Variants in FHOD3 observed in about 807,000 individuals in gnomAD.
FHOD3 encodes FH1/FH2 domain-containing protein 3.
In FHOD3, 90 loss-of-function variants were observed where a neutral mutation model predicts 173.0. That is an observed-to-expected ratio of 0.52 (90% confidence interval 0.44 to 0.62). FHOD3 has a LOEUF of 0.62. FHOD3 is among the 20% of genes least tolerant of loss of function. FHOD3 has a pLI of 0.00. For synonymous variants in FHOD3, 828 were observed against 823.0 expected (o/e 1.01, Z -0.10); for missense variants, 1,945 against 2,034.7 (o/e 0.96, Z 0.85).
At chr18:36,751,141 A>G (rs2042386929) in intron 24 of FHOD3, among the ~76,000 whole-genome samples, 1 of 152,180 alleles carries the variant, frequency 6.6e-6, no homozygotes, top group Non-Finnish European at 1.5e-5. Context: ...TGTTTGTGTC[A>G]TCTCTGATTT....
At chr18:36,357,959 TG>T (rs1453885485) in intron 2 of FHOD3, among the ~76,000 whole-genome samples, 12 of 151,794 alleles carry the variant, frequency 7.9e-5, no homozygotes, top group Non-Finnish European at 1.5e-4. Flanking sequence ...ATAAAGGGTG[TG>T]GGAGAAGAAT....
intron 10 of FHOD3, among the ~76,000 whole-genome samples, chr18:36,634,905 C>T (rs1015769078): frequency 6.6e-6 from 1 of 152,308 alleles, no homozygotes; most frequent in Middle Eastern, 3.4e-3. Context: ...TAGAGGATTT[C>T]ACAACAACCA....
chr18:36,479,526 C>G (rs1165975316), intron 3 of FHOD3, among the ~76,000 whole-genome samples: 1 of 152,094 alleles, frequency 6.6e-6, no homozygotes, highest in Non-Finnish European at 1.5e-5. Context: ...AATTGCCTTG[C>G]ATCTGTCCTA....
chr18:36,363,742 G>T (rs1157672149), intron 2 of FHOD3, among the ~76,000 whole-genome samples: 1 of 152,144 alleles, frequency 6.6e-6, no homozygotes, highest in Non-Finnish European at 1.5e-5. Context: ...AGAACGTTAT[G>T]TATTTGTGAG....
chr18:36,560,815 A>G (rs2058055090), intron 5 of FHOD3, among the ~76,000 whole-genome samples: 2 of 146,094 alleles, frequency 1.4e-5, no homozygotes, highest in Non-Finnish European at 3.0e-5. Context: ...GTGTGTGTGT[A>G]AAGAGCAGCT....
rs527852721 is a variant in FHOD3 at position 36,607,926 on chromosome 18, A to G, written c.814-4026A>G. Among the ~76,000 whole-genome samples the G allele has an allele frequency of 3.9e-5, 6 of 152,258 alleles. No homozygotes were observed. The South Asian group carries it at 1.0e-3, about 26-fold the overall frequency. ...CTTCAGAATTGGCTTTACCATTTGT[A>G]TTTCTACCAACCACTTCAGCAATCT... is the stretch of plus-strand genomic sequence containing the variant. On this transcript the variant is annotated intron_variant, in intron 8 of 28. Transcript: ENST00000590592.
At chr18:36,397,097 T>C (rs1211079136) in intron 3 of FHOD3, among the ~76,000 whole-genome samples, 3 of 152,338 alleles carry the variant, frequency 2.0e-5, no homozygotes, top group East Asian at 1.9e-4. Flanking sequence ...TAAGAATTCA[T>C]AGAAGCTAGA....
At chr18:36,464,836 G>C (rs919028187) in intron 3 of FHOD3, among the ~76,000 whole-genome samples, 6 of 151,996 alleles carry the variant, frequency 3.9e-5, no homozygotes, top group African/African-American at 1.2e-4. Flanking sequence ...CCCACCCTCT[G>C]TCTCTCCCCC....
chr18:36,658,806 T>C (rs2036590658), intron 14 of FHOD3, among the ~76,000 whole-genome samples: 1 of 152,186 alleles, frequency 6.6e-6, no homozygotes, highest in African/African-American at 2.4e-5. Context: ...GAGTGCTGAG[T>C]TAGAGAAGAC....
At chr18:36,747,730 A>AC (rs36041009) in intron 24 of FHOD3, among the ~76,000 whole-genome samples, 1,711 of 152,332 alleles carry the variant, frequency 0.011, 22 homozygotes, top group African/African-American at 0.039. Context: ...GGGGTCTGGA[A>AC]CAGCCCATGG....
chr18:36,606,552 CT>C (rs1035855135), intron 8 of FHOD3, among the ~76,000 whole-genome samples: 19 of 152,276 alleles, frequency 1.2e-4, no homozygotes, highest in Admixed American at 5.9e-4. Context: ...ATTCTGCCCC[CT>C]GTCCCCAAAA....
chr18:36,679,729 G>A, intron 14 of FHOD3, among the ~76,000 whole-genome samples: 1 of 151,682 alleles, frequency 6.6e-6, no homozygotes, highest in East Asian at 1.9e-4. Context: ...CAATGCAGTT[G>A]CATTATGATC....
rs984103062 is a variant in FHOD3 at position 36,652,656 on chromosome 18, G to A, written c.1373G>A (p.Ser458Asn). 6.5e-7 allele frequency: 1 copy of A among 1,535,616 alleles called. No homozygotes were observed. The highest frequency in any genetic ancestry group is 2.0e-5 in the Admixed American group (1 of 50,986). ...GCCCTCCCTGCTGTCTCGAATGCCAGCTCGCAGGGAAAGCCGCTTCTGGTT... is the reference window on the plus strand; with the variant it reads ...GCCCTCCCTGCTGTCTCGAATGCCAACTCGCAGGGAAAGCCGCTTCTGGTT... ...SSALPAVSNA[S>N]SQGKPLLVGT... is the part of the protein sequence containing the mutation. Residue 458 changes from serine to asparagine, a missense_variant, in exon 12 of 29, where the codon AGC (serine) becomes AAC (asparagine). Coordinates refer to ENST00000590592, the MANE Select transcript of FHOD3 (RefSeq NM_001281740.3).
In FHOD3 at chr18:36,518,540, A is replaced by C. The variant is rs1228656739; in HGVS notation, c.511+5997A>C. Among the ~76,000 whole-genome samples the C allele has an allele frequency of 7.9e-5, 12 of 152,170 alleles. No homozygotes were observed. In the East Asian group the frequency reaches 2.3e-3, roughly 29 times the overall value. ...TACAACAGGACTATTTCCAATAAAA[A>C]ATCACTGCAGCGTAAGCAGACTGGC... On this transcript the variant is annotated intron_variant, in intron 5 of 28. Transcript: ENST00000590592.
intron 5 of FHOD3, among the ~76,000 whole-genome samples, chr18:36,558,128 G>T (rs2147554230): frequency 6.6e-6 from 1 of 152,264 alleles, no homozygotes; most frequent in East Asian, 1.9e-4. Flanking sequence ...TGACTACCCA[G>T]AAGGAACCCT....
At chr18:36,777,824 CTACAGA>C (rs1267879929) in intron 28 of FHOD3, 1 of 152,092 alleles carries the variant, frequency 6.6e-6, no homozygotes, top group Non-Finnish European at 1.5e-5. Context: ...GCAAGAACAG[CTACAGA>C]TAGATTGCTT....
At chr18:36,770,017 G>T (rs949662592) in intron 28 of FHOD3, among the ~76,000 whole-genome samples, 1 of 152,072 alleles carries the variant, frequency 6.6e-6, no homozygotes, top group Non-Finnish European at 1.5e-5. Flanking sequence ...TTTCCTTTTT[G>T]GTCTGAACCT....
chr18:36,644,057 C>T (rs985699591), intron 10 of FHOD3, among the ~76,000 whole-genome samples: 2 of 152,178 alleles, frequency 1.3e-5, no homozygotes, highest in Non-Finnish European at 2.9e-5. Flanking sequence ...CCCCAAAGAA[C>T]TGGTCAGGCT....
At chr18:36,564,101 C>T (rs2058182972) in intron 5 of FHOD3, among the ~76,000 whole-genome samples, 2 of 152,116 alleles carry the variant, frequency 1.3e-5, no homozygotes, top group Non-Finnish European at 2.9e-5. Context: ...CCAGGTGACA[C>T]CCCAGGTGAA....
Sources: gnomAD v4.1 joint callset for allele counts (sites outside exome capture counted in the v4.1 genomes callset) on GRCh38, gnomAD v4.1.1 for gene constraint, MANE v1.5 for transcripts, NCBI Gene and HGNC (gene_info 2026-07-23, HGNC 2026-07-21) for gene names.